The following DPP6 variants were observed in gnomAD, a reference collection of about 807,000 sequenced individuals.
The protein encoded by DPP6 is dipeptidyl peptidase like 6, also known as A-type potassium channel modulatory protein DPP6.
Under a neutral mutation model 122.6 loss-of-function variants are expected in DPP6, and 69 were observed. The ratio of observed to expected loss-of-function variants is 0.56; its 90% CI spans 0.46 to 0.69. The LOEUF (loss-of-function observed/expected upper bound fraction) is 0.69. DPP6 is among the 30% of genes least tolerant of loss of function. The pLI is 0.00. For missense variants in DPP6, 928 were observed against 1,116.9 expected, an observed-to-expected ratio of 0.83 and a Z score of 2.41; for synonymous variants, 418 against 433.1, an observed-to-expected ratio of 0.97 and a Z score of 0.43.
chr7:154,203,410 A>G (rs1371731973), intron 1 of DPP6, among the ~76,000 whole-genome samples: 1 of 152,188 alleles, frequency 6.6e-6, no homozygotes, highest in South Asian at 2.1e-4. Context: ...TCTGAAGGTG[A>G]CATGCTGCAG....
intron 1 of DPP6, among the ~76,000 whole-genome samples, chr7:154,046,175 GT>G (rs1800009101): frequency 1.3e-5 from 2 of 152,186 alleles, no homozygotes; most frequent in Admixed American, 1.3e-4. Flanking sequence ...TCTTCTCCAA[GT>G]GTGTTTGTTC....
chr7:154,194,504 CTG>C (rs2150772181), intron 1 of DPP6, among the ~76,000 whole-genome samples: 1 of 152,284 alleles, frequency 6.6e-6, no homozygotes, highest in South Asian at 2.1e-4. Context: ...TGTGTCTCTC[CTG>C]AGAGTTTCCT....
chr7:154,196,307 T>G (rs533239504), intron 1 of DPP6, among the ~76,000 whole-genome samples: 1 of 152,126 alleles, frequency 6.6e-6, no homozygotes, highest in Non-Finnish European at 1.5e-5. Flanking sequence ...CTGGCCAACA[T>G]GGTGAAACCC....
chr7:154,087,969 C>T (rs1045326288), intron 1 of DPP6, among the ~76,000 whole-genome samples: 1 of 152,200 alleles, frequency 6.6e-6, no homozygotes, highest in Non-Finnish European at 1.5e-5. Flanking sequence ...ATGCACAGAC[C>T]TGCTGCAGAG....
At chr7:154,783,270 C>T (rs1563205642) in intron 10 of DPP6, among the ~76,000 whole-genome samples, 1 of 152,292 alleles carries the variant, frequency 6.6e-6, no homozygotes, top group Non-Finnish European at 1.5e-5. Context: ...GCGAGGGTGA[C>T]AACACTGCCT....
At chr7:154,797,498 C>A (rs1485875670) in intron 12 of DPP6, among the ~76,000 whole-genome samples, 2 of 152,100 alleles carry the variant, frequency 1.3e-5, no homozygotes, top group Non-Finnish European at 2.9e-5. Flanking sequence ...TGGGTTCTGT[C>A]TACCTTTTGG....
intron 7 of DPP6, among the ~76,000 whole-genome samples, chr7:154,724,917 G>A (rs1218566197): frequency 2.0e-5 from 3 of 152,114 alleles, no homozygotes; most frequent in African/African-American, 4.8e-5. Context: ...GGTTAAAATG[G>A]CAAATTGTAT....
intron 2 of DPP6, among the ~76,000 whole-genome samples, chr7:154,453,564 TA>T (rs1176378155): frequency 1.3e-5 from 2 of 150,212 alleles, no homozygotes; most frequent in Admixed American, 1.3e-4. Context: ...ATTAAATATA[TA>T]AATATAAACA....
chr7:154,102,790 T>C (rs1378622033), intron 1 of DPP6, among the ~76,000 whole-genome samples: 1 of 152,196 alleles, frequency 6.6e-6, no homozygotes, highest in East Asian at 1.9e-4. Context: ...TCCTTTTTCC[T>C]GATGCTTTAA....
intron 1 of DPP6, among the ~76,000 whole-genome samples, chr7:154,310,586 C>T (rs1306969870): frequency 6.6e-6 from 1 of 152,110 alleles, no homozygotes; most frequent in Non-Finnish European, 1.5e-5. Context: ...TCTGACATTC[C>T]ATTAAACCAA....
chr7:154,399,795 C>A (rs1815411973), intron 1 of DPP6, among the ~76,000 whole-genome samples: 1 of 152,124 alleles, frequency 6.6e-6, no homozygotes, highest in South Asian at 2.1e-4. Context: ...TTGGGGTGTG[C>A]ACTTTAAATG....
At position 154,293,292 on chromosome 7, in the gene DPP6, A is replaced by G. The variant is rs141198033; in HGVS notation, c.244-152922A>G. On this transcript the variant is annotated intron_variant, in intron 1 of 25. Transcript: ENST00000377770. ...CTAACATGTAAGAAGCCTTCACTTT[A>G]GTGGTCATCTCTCCTCCTTTTTCGT... is the stretch of plus-strand genomic sequence containing the variant. Among the ~76,000 whole-genome samples, 4 of 152,288 alleles carry G rather than the reference A, an allele frequency of 2.6e-5. No homozygotes were observed. The East Asian group carries it at 7.7e-4, about 29-fold the overall frequency.
chr7:154,565,487 A>G (rs1021475253), intron 4 of DPP6, among the ~76,000 whole-genome samples: 5 of 152,196 alleles, frequency 3.3e-5, no homozygotes, highest in Non-Finnish European at 7.3e-5. Flanking sequence ...GTACTGTTGC[A>G]TGAGAAAACT....
At chr7:153,933,603 G>A (rs1801278156) in intron 1 of DPP6, among the ~76,000 whole-genome samples, 1 of 152,138 alleles carries the variant, frequency 6.6e-6, no homozygotes, top group Non-Finnish European at 1.5e-5. Context: ...AAGCCTTTCA[G>A]ATCATGCAAT....
At chr7:154,767,237 G>T (rs1289188248) in intron 8 of DPP6, among the ~76,000 whole-genome samples, 2 of 152,052 alleles carry the variant, frequency 1.3e-5, no homozygotes, top group African/African-American at 4.8e-5. Context: ...GCACCTTCTC[G>T]CTCTGCCCTG....
chr7:154,672,974 G>T (rs1325811801), intron 7 of DPP6, among the ~76,000 whole-genome samples: 2 of 152,124 alleles, frequency 1.3e-5, no homozygotes, highest in East Asian at 1.9e-4. Flanking sequence ...GTTATAGTTT[G>T]CTGACCCCTG....
chr7:154,421,019 A>T (rs184925843), intron 1 of DPP6, among the ~76,000 whole-genome samples: 62 of 151,750 alleles, frequency 4.1e-4, no homozygotes, highest in African/African-American at 1.3e-3. Flanking sequence ...GGCAAAGTTT[A>T]AAAAAAAATG....
At chr7:154,559,923 T>G (rs1175505963) in intron 4 of DPP6, among the ~76,000 whole-genome samples, 14 of 145,236 alleles carry the variant, frequency 9.6e-5, no homozygotes, top group Non-Finnish European at 1.5e-4. Flanking sequence ...AAATAATATA[T>G]ATAGATATAT....
intron 1 of DPP6, among the ~76,000 whole-genome samples, chr7:154,045,994 T>G (rs1298131820): frequency 6.6e-6 from 1 of 152,092 alleles, no homozygotes; most frequent in African/African-American, 2.4e-5. Flanking sequence ...GACACAAGCA[T>G]GCTGTTTAAC....
Sources: gnomAD v4.1 joint callset for allele counts (sites outside exome capture counted in the v4.1 genomes callset) on GRCh38, gnomAD v4.1.1 for gene constraint, MANE v1.5 for transcripts, NCBI Gene and HGNC (gene_info 2026-07-23, HGNC 2026-07-21) for gene names.